SGPP1: variants seen among roughly 807,000 people sequenced by gnomAD.
SGPP1 encodes hSPP1.
A neutral mutation model predicts 33.0 loss-of-function variants in SGPP1; 21 were observed. The ratio of observed to expected loss-of-function variants is 0.64; its 90% CI spans 0.45 to 0.92. The LOEUF (loss-of-function observed/expected upper bound fraction) is 0.92. Among genes scored for constraint, SGPP1 ranks in the 40% least tolerant of loss-of-function variants. The pLI, the probability that SGPP1 is intolerant of heterozygous loss-of-function variation, is 0.00. For missense variants in SGPP1, 543 were observed against 589.4 expected (o/e 0.92, Z 0.81); for synonymous variants, 239 against 241.2 (o/e 0.99, Z 0.08).
chr14:63,721,532 G>T (rs115338480), intron 1 of SGPP1, among the ~76,000 whole-genome samples: 1,936 of 151,948 alleles, frequency 0.013, 42 homozygotes, highest in African/African-American at 0.044. Context: ...CCATAAAAAA[G>T]AGGCAAGCCA....
At chr14:63,720,183 T>G (rs1191210610) in intron 1 of SGPP1, among the ~76,000 whole-genome samples, 2 of 150,328 alleles carry the variant, frequency 1.3e-5, no homozygotes, top group African/African-American at 2.4e-5. Context: ...ATCCCAGCAC[T>G]TTGGTAAGCT....
At chr14:63,696,998 A>C (rs766940054) in intron 2 of SGPP1, among the ~76,000 whole-genome samples, 1 of 152,162 alleles carries the variant, frequency 6.6e-6, no homozygotes, top group Non-Finnish European at 1.5e-5. Context: ...AAAGAAAAAA[A>C]AGTGTTTGGT....
chr14:63,698,046 C>CCTGTGCTG (rs1885222089), intron 2 of SGPP1, among the ~76,000 whole-genome samples: 1 of 152,114 alleles, frequency 6.6e-6, no homozygotes, highest in Non-Finnish European at 1.5e-5. Context: ...GTACAGGGTC[C>CCTGTGCTG]CTGTGCTGCT....
intron 1 of SGPP1, among the ~76,000 whole-genome samples, chr14:63,709,144 G>A (rs2139645447): frequency 6.6e-6 from 1 of 152,270 alleles, no homozygotes; most frequent in Middle Eastern, 3.4e-3. Flanking sequence ...GGAGGCCAAG[G>A]TGGGTGGATC....
At chr14:63,690,559 A>G (rs1885073483) in intron 2 of SGPP1, among the ~76,000 whole-genome samples, 1 of 152,236 alleles carries the variant, frequency 6.6e-6, no homozygotes, top group Admixed American at 6.5e-5. Context: ...TGTTTTGTTC[A>G]ACCTCAAATA....
intron 1 of SGPP1, among the ~76,000 whole-genome samples, chr14:63,714,452 G>C (rs554358855): frequency 1.3e-5 from 2 of 151,902 alleles, no homozygotes; most frequent in East Asian, 3.9e-4. Context: ...ATGGAGTCTC[G>C]TTCTATCTCC....
chr14:63,718,195 C>T (rs891930799), intron 1 of SGPP1, among the ~76,000 whole-genome samples: 3 of 151,440 alleles, frequency 2.0e-5, no homozygotes, highest in Non-Finnish European at 4.4e-5. Flanking sequence ...TTGCAGTGAG[C>T]CAAGATTGGG....
chr14:63,722,111 G>T (rs918115056), intron 1 of SGPP1, among the ~76,000 whole-genome samples: 2 of 152,082 alleles, frequency 1.3e-5, no homozygotes, highest in Non-Finnish European at 2.9e-5. Context: ...TAACCTCCCT[G>T]TACCTCAGTT....
intron 2 of SGPP1, among the ~76,000 whole-genome samples, chr14:63,689,429 G>A (rs1044276300): frequency 6.6e-6 from 1 of 152,102 alleles, no homozygotes; most frequent in Non-Finnish European, 1.5e-5. Context: ...TAGGATTACA[G>A]GTATCAGCCA....
chr14:63,687,722 TG>T (rs1282771277), intron 2 of SGPP1, among the ~76,000 whole-genome samples: 1 of 152,194 alleles, frequency 6.6e-6, no homozygotes, highest in Non-Finnish European at 1.5e-5. Context: ...TGATAGGAGC[TG>T]GGTGCAGTGG....
chr14:63,695,903 C>T (rs1028037876), intron 2 of SGPP1, among the ~76,000 whole-genome samples: 1 of 147,272 alleles, frequency 6.8e-6, no homozygotes, highest in Non-Finnish European at 1.5e-5. Flanking sequence ...AGAGCAAGAC[C>T]TTGTCTCTAA....
At chr14:63,724,427 G>A (rs1193564983) in intron 1 of SGPP1, among the ~76,000 whole-genome samples, 1 of 151,866 alleles carries the variant, frequency 6.6e-6, no homozygotes, top group Non-Finnish European at 1.5e-5. Flanking sequence ...CAGCAGATAG[G>A]CAAGACTGCC....
At chr14:63,695,098 C>G (rs189442585) in intron 2 of SGPP1, among the ~76,000 whole-genome samples, 2 of 151,934 alleles carry the variant, frequency 1.3e-5, no homozygotes, top group Admixed American at 1.3e-4. Flanking sequence ...GCTCTGTCGC[C>G]CAGGCTGGAG....
At chr14:63,725,995 G>A (rs1179093571) in intron 1 of SGPP1, among the ~76,000 whole-genome samples, 1 of 152,148 alleles carries the variant, frequency 6.6e-6, no homozygotes, top group African/African-American at 2.4e-5. Flanking sequence ...TTCACAATCT[G>A]AACATCACCG....
At chr14:63,722,260 C>T (rs568047941) in intron 1 of SGPP1, among the ~76,000 whole-genome samples, 7 of 151,406 alleles carry the variant, frequency 4.6e-5, no homozygotes, top group Non-Finnish European at 8.8e-5. Context: ...CGCAGTGGCT[C>T]ATGCCTGTAA....
chr14:63,721,820 T>A (rs1488867863), intron 1 of SGPP1, among the ~76,000 whole-genome samples: 1 of 152,234 alleles, frequency 6.6e-6, no homozygotes, highest in Non-Finnish European at 1.5e-5. Flanking sequence ...AATCAGCATT[T>A]GATTTCAGTC....
rs1450982364 is a variant in SGPP1, at chr14:63,698,627, G to T, written c.716C>A (p.Pro239His). Reference protein sequence around the residue: ...YPLIYGLILIPCWCSLVCLSR... With the variant: ...YPLIYGLILIHCWCSLVCLSR... ...TAGGCAAACTAGAGAACACCAGCAG[G>T]GAATAAGAATCAGTCCATATATAAG... is the stretch of plus-strand genomic sequence containing the variant. Residue 239 changes from proline (P) to histidine (H), a missense_variant, in exon 2 of 3, where the codon CCC (proline) becomes CAC (histidine). By Grantham distance (77) the Pro-to-His change is moderately conservative. Coordinates refer to ENST00000247225, the MANE Select transcript of SGPP1 (RefSeq NM_030791.4). 1 of 1,602,398 alleles carries T rather than the reference G, an allele frequency of 6.2e-7. No homozygotes were observed.
intron 1 of SGPP1, among the ~76,000 whole-genome samples, chr14:63,716,061 A>G (rs1254440519): frequency 6.6e-6 from 1 of 152,208 alleles, no homozygotes; most frequent in Non-Finnish European, 1.5e-5. Flanking sequence ...GACTATGTAA[A>G]GAAATACAAC....
intron 1 of SGPP1, among the ~76,000 whole-genome samples, chr14:63,718,982 A>ATATATATATATC (rs1885690732): frequency 3.3e-4 from 4 of 11,942 alleles, no homozygotes; most frequent in Admixed American, 3.3e-3. Flanking sequence ...ATATACATAT[A>ATATATATATATC]TATATATATA....
Sources: allele counts gnomAD v4.1 joint callset (sites outside exome capture counted in the v4.1 genomes callset), GRCh38; gene constraint gnomAD v4.1.1; transcripts MANE v1.5; gene names NCBI Gene and HGNC (gene_info 2026-07-23, HGNC 2026-07-21).